The following SLC24A2 variants were observed in gnomAD, a reference collection of about 807,000 sequenced individuals.
The protein encoded by SLC24A2 is sodium/potassium/calcium exchanger 2.
Under a neutral mutation model 62.0 loss-of-function variants are expected in SLC24A2, and 36 were observed. The observed-to-expected ratio is 0.58, with a 90% confidence interval of 0.44 to 0.77. The LOEUF is 0.77. SLC24A2 is among the 30% of genes least tolerant of loss of function. SLC24A2 has a pLI of 0.00. For missense variants in SLC24A2, 846 were observed against 817.9 expected, an observed-to-expected ratio of 1.03 and a Z score of -0.42; for synonymous variants, 358 against 294.0, an observed-to-expected ratio of 1.22 and a Z score of -2.23.
the SLC24A2 span, among the ~76,000 whole-genome samples, chr9:19,969,183 C>CCACA: frequency 0.14 from 17,585 of 122,054 alleles, 1,451 homozygotes; most frequent in African/African-American, 0.2. Flanking sequence ...ACCTCCTTTG[C>CCACA]CACACACACA....
chr9:20,106,392 C>T, the SLC24A2 span, among the ~76,000 whole-genome samples: 1 of 152,038 alleles, frequency 6.6e-6, no homozygotes, highest in Non-Finnish European at 1.5e-5. Context: ...AGAGACACAA[C>T]CAAAAAAGAG....
At chr9:20,019,127 AAG>A in the SLC24A2 span, among the ~76,000 whole-genome samples, 1 of 73,888 alleles carries the variant, frequency 1.4e-5, no homozygotes. Context: ...GAAAGAAAGA[AAG>A]AAAGAAAGAA....
At chr9:20,007,572 T>C in the SLC24A2 span, among the ~76,000 whole-genome samples, 2 of 152,286 alleles carry the variant, frequency 1.3e-5, no homozygotes, top group Admixed American at 1.3e-4. Flanking sequence ...AATCCATTTA[T>C]GAGTATATAA....
At chr9:19,843,963 G>T in the SLC24A2 span, among the ~76,000 whole-genome samples, 1 of 152,170 alleles carries the variant, frequency 6.6e-6, no homozygotes, top group Non-Finnish European at 1.5e-5. Context: ...CTTTGCTATT[G>T]TGACTAGTTC....
At chr9:19,682,506 C>T (rs986987731) in intron 2 of SLC24A2, among the ~76,000 whole-genome samples, 1 of 152,100 alleles carries the variant, frequency 6.6e-6, no homozygotes, top group African/African-American at 2.4e-5. Flanking sequence ...AACTTCAACA[C>T]CAAACCACAG....
the SLC24A2 span, among the ~76,000 whole-genome samples, chr9:19,850,960 T>C: frequency 7.3e-5 from 2 of 27,322 alleles, no homozygotes; most frequent in African/African-American, 1.1e-4. Flanking sequence ...TATATATATA[T>C]ATATATGTAT....
the SLC24A2 span, among the ~76,000 whole-genome samples, chr9:20,134,385 T>C: frequency 3.9e-5 from 6 of 152,028 alleles, no homozygotes; most frequent in African/African-American, 1.4e-4. Flanking sequence ...ACAAAAGAAA[T>C]CTACTTCCAA....
At chr9:19,587,218 C>T (rs1211110581) in intron 5 of SLC24A2, among the ~76,000 whole-genome samples, 3 of 152,050 alleles carry the variant, frequency 2.0e-5, no homozygotes, top group Non-Finnish European at 4.4e-5. Context: ...ATTATGATGA[C>T]CTATATATAA....
the SLC24A2 span, among the ~76,000 whole-genome samples, chr9:20,093,070 T>C: frequency 9.9e-5 from 15 of 152,072 alleles, no homozygotes; most frequent in African/African-American, 3.1e-4. Context: ...GGTTTTTTTG[T>C]TCTGTTTTTT....
At chr9:19,800,220 C>G in the SLC24A2 span, among the ~76,000 whole-genome samples, 1 of 152,234 alleles carries the variant, frequency 6.6e-6, no homozygotes, top group South Asian at 2.1e-4. Flanking sequence ...CAACCCACTA[C>G]TTGTGGAATA....
chr9:19,941,021 G>C, the SLC24A2 span, among the ~76,000 whole-genome samples: 10 of 152,324 alleles, frequency 6.6e-5, no homozygotes, highest in East Asian at 1.9e-3. Context: ...ATGGCTTTAA[G>C]CCAAGCCTGG....
chr9:19,521,864 CTT>C (rs150938625), intron 9 of SLC24A2, among the ~76,000 whole-genome samples: 1 of 138,802 alleles, frequency 7.2e-6, no homozygotes, highest in Non-Finnish European at 1.6e-5. Context: ...TACTTTTTTT[CTT>C]TTTTTTTCTT....
the SLC24A2 span, among the ~76,000 whole-genome samples, chr9:20,306,110 A>G: frequency 6.6e-6 from 1 of 152,280 alleles, no homozygotes; most frequent in African/African-American, 2.4e-5. Context: ...TAAGACTTCA[A>G]TGTATGAATT....
At chr9:19,629,187 T>C (rs924003145) in intron 2 of SLC24A2, among the ~76,000 whole-genome samples, 1 of 152,164 alleles carries the variant, frequency 6.6e-6, no homozygotes, top group African/African-American at 2.4e-5. Context: ...AGAGCTCAGA[T>C]ACGAACTCAG....
At chr9:20,287,354 G>T in the SLC24A2 span, among the ~76,000 whole-genome samples, 1 of 152,174 alleles carries the variant, frequency 6.6e-6, no homozygotes, top group Non-Finnish European at 1.5e-5. Flanking sequence ...GGGAGGCTGC[G>T]GGAGGGTCAT....
chr9:19,903,274 G>A, the SLC24A2 span, among the ~76,000 whole-genome samples: 3 of 152,266 alleles, frequency 2.0e-5, 1 homozygote, highest in Middle Eastern at 6.8e-3. Context: ...CCTCCTCCTA[G>A]TTCACAGACA....
At chr9:20,116,675 A>C in the SLC24A2 span, among the ~76,000 whole-genome samples, 1 of 152,206 alleles carries the variant, frequency 6.6e-6, no homozygotes, top group Non-Finnish European at 1.5e-5. Flanking sequence ...CATACTGCAA[A>C]GTAAAAATTC....
chr9:19,541,495 G>A (rs1488825385), intron 8 of SLC24A2, among the ~76,000 whole-genome samples: 2 of 149,318 alleles, frequency 1.3e-5, no homozygotes, highest in East Asian at 2.0e-4. Flanking sequence ...CCTGCTGGGG[G>A]GTGCCTCCCA....
chr9:19,956,862 T>C, the SLC24A2 span, among the ~76,000 whole-genome samples: 5 of 152,134 alleles, frequency 3.3e-5, no homozygotes, highest in East Asian at 3.9e-4. Context: ...CCTTATAAAA[T>C]AGACCTCTCT....
Sources: gnomAD v4.1 joint callset for allele counts (sites outside exome capture counted in the v4.1 genomes callset) on GRCh38, gnomAD v4.1.1 for gene constraint, MANE v1.5 for transcripts, NCBI Gene and HGNC (gene_info 2026-07-23, HGNC 2026-07-21) for gene names.